The following BMP6 variants were observed in gnomAD, a reference collection of about 807,000 sequenced individuals.
The protein encoded by BMP6 is bone morphogenetic protein 6.
A neutral mutation model predicts 54.1 loss-of-function variants in BMP6; 17 were observed. The observed-to-expected ratio is 0.31, with a 90% CI of 0.22 to 0.47. The LOEUF is 0.47. BMP6 is among the 20% of genes least tolerant of loss of function. The pLI, the probability that BMP6 is intolerant of heterozygous loss-of-function variation, is 1.00. For synonymous variants in BMP6, 328 were observed against 291.2 expected, an observed-to-expected ratio of 1.13 and a Z score of -1.28; for missense variants, 720 against 690.4, an observed-to-expected ratio of 1.04 and a Z score of -0.48.
At chr6:7,803,453 C>T (rs142821769) in intron 1 of BMP6, among the ~76,000 whole-genome samples, 322 of 152,270 alleles carry the variant, frequency 2.1e-3, no homozygotes, top group African/African-American at 7.2e-3. Context: ...ACTGCCTTCT[C>T]GTTGGCATCA....
At chr6:7,744,309 C>G (rs1757316199) in intron 1 of BMP6, among the ~76,000 whole-genome samples, 1 of 152,118 alleles carries the variant, frequency 6.6e-6, no homozygotes, top group Non-Finnish European at 1.5e-5. Flanking sequence ...AGCCTTGTCT[C>G]TACCAAAAAT....
Position 7,726,847 on chromosome 6 carries a change from G to T in BMP6, c.-109G>T. Reference sequence around the variant, plus strand: ...GCCAGGAAGGGGAAGCGAGCCCGCCGAGAGGTGGCGGGGACTGCTCACGCC... The same window carrying T: ...GCCAGGAAGGGGAAGCGAGCCCGCCTAGAGGTGGCGGGGACTGCTCACGCC... On this transcript the variant is annotated 5_prime_UTR_variant, in exon 1 of 7. Transcript: ENST00000283147. 1.6e-6 allele frequency: 1 copy of T among 624,334 alleles called. No individual in the cohort carries two copies. The highest frequency in any genetic ancestry group is 2.0e-6 in the Non-Finnish European group (1 of 489,520). The allele number at this position is 624,334 out of a possible 1,614,324, so 38.7% of individuals were successfully genotyped here.
chr6:7,833,781 A>G (rs898850238), intron 1 of BMP6, among the ~76,000 whole-genome samples: 2 of 152,250 alleles, frequency 1.3e-5, no homozygotes, highest in African/African-American at 4.8e-5. Context: ...GGCAGAGTTT[A>G]TAACGTCTTT....
At chr6:7,835,529 G>A (rs888445716) in intron 1 of BMP6, among the ~76,000 whole-genome samples, 4 of 152,184 alleles carry the variant, frequency 2.6e-5, no homozygotes, top group Admixed American at 2.6e-4. Flanking sequence ...CTTTAAGCTG[G>A]CCTATCTGTG....
chr6:7,824,549 G>A (rs2113228016), intron 1 of BMP6, among the ~76,000 whole-genome samples: 1 of 152,320 alleles, frequency 6.6e-6, no homozygotes, highest in Non-Finnish European at 1.5e-5. Flanking sequence ...CTAAATAGGA[G>A]ATACCATTCA....
intron 1 of BMP6, among the ~76,000 whole-genome samples, chr6:7,746,539 A>G (rs1757349430): frequency 6.6e-6 from 1 of 152,150 alleles, no homozygotes. Flanking sequence ...TTAAATTTAG[A>G]CTGTTTAACC....
intron 4 of BMP6, among the ~76,000 whole-genome samples, chr6:7,870,262 C>T (rs1157449315): frequency 6.6e-6 from 1 of 152,198 alleles, no homozygotes; most frequent in African/African-American, 2.4e-5. Flanking sequence ...TGGATTGGAA[C>T]ACCCCGGTCT....
At chr6:7,756,667 ATTC>A (rs1374527401) in intron 1 of BMP6, among the ~76,000 whole-genome samples, 1 of 152,156 alleles carries the variant, frequency 6.6e-6, no homozygotes, top group African/African-American at 2.4e-5. Flanking sequence ...GTTAGATTTT[ATTC>A]TTCTGTGCAA....
At chr6:7,879,232 C>G in intron 5 of BMP6, 82 bp downstream of exon 5, 2 of 1,402,818 alleles carry the variant, frequency 1.4e-6, no homozygotes, top group Non-Finnish European at 2.0e-6. Flanking sequence ...TTACCAAACA[C>G]CCAGAGCTTG....
intron 1 of BMP6, among the ~76,000 whole-genome samples, chr6:7,798,660 G>A (rs1158523283): frequency 6.6e-6 from 1 of 152,048 alleles, no homozygotes; most frequent in East Asian, 1.9e-4. Flanking sequence ...TCACTCACTC[G>A]GCACTGCTGC....
chr6:7,858,096 T>G (rs1367112809), intron 2 of BMP6, among the ~76,000 whole-genome samples: 1 of 152,118 alleles, frequency 6.6e-6, no homozygotes. Flanking sequence ...ATTTATTTAT[T>G]TATTTAGACA....
intron 1 of BMP6, among the ~76,000 whole-genome samples, chr6:7,729,905 A>C (rs576925226): frequency 6.6e-6 from 1 of 152,146 alleles, no homozygotes; most frequent in African/African-American, 2.4e-5. Context: ...GGATCTCCCA[A>C]CGTTGCCCAG....
At chr6:7,802,020 C>G (rs1214556705) in intron 1 of BMP6, among the ~76,000 whole-genome samples, 1 of 152,154 alleles carries the variant, frequency 6.6e-6, no homozygotes, top group Admixed American at 6.5e-5. Flanking sequence ...GACAGAGATC[C>G]AGAGGGTACA....
rs575260159 is a variant in BMP6, at chr6:7,787,054, C to T, written c.665-58086C>T. ...ACTAAAGTGACGAGTGTAAGTTCAG[C>T]CTCCTTTAGTTTCTTTTCCAATAAT... On this transcript the variant is annotated intron_variant, in intron 1 of 6. Coordinates refer to ENST00000283147, the MANE Select transcript of BMP6 (RefSeq NM_001718.6). Among the ~76,000 whole-genome samples the T allele has an allele frequency of 2.0e-5, 3 of 152,266 alleles. No homozygotes were observed. In the South Asian group the frequency reaches 6.2e-4, roughly 32 times the overall value.
intron 1 of BMP6, among the ~76,000 whole-genome samples, chr6:7,732,566 T>C (rs1194250829): frequency 6.6e-6 from 1 of 152,260 alleles, no homozygotes; most frequent in Non-Finnish European, 1.5e-5. Context: ...CAGTGCTTGC[T>C]TTAGCATATA....
At position 7,808,975 on chromosome 6, in the gene BMP6, G is replaced by T. The variant is rs964418118; in HGVS notation, c.665-36165G>T. Among the ~76,000 whole-genome samples the T allele has an allele frequency of 1.3e-5, 2 of 148,542 alleles. 1 individual carries two copies. Among genetic ancestry groups the T allele is most frequent in the South Asian group, 4.3e-4 (2 of 4,682 alleles). ...TCACCTACTCTGATCAGAGGCATCCGCTTCCCGTGAGCACTTCTGTGCCTT... is the reference window on the plus strand; with the variant it reads ...TCACCTACTCTGATCAGAGGCATCCTCTTCCCGTGAGCACTTCTGTGCCTT... On this transcript the variant is annotated intron_variant, in intron 1 of 6. Transcript: ENST00000283147.
chr6:7,835,854 T>C (rs760887942), intron 1 of BMP6, among the ~76,000 whole-genome samples: 27 of 152,220 alleles, frequency 1.8e-4, no homozygotes, highest in Non-Finnish European at 3.7e-4. Context: ...TTTCTTTTTT[T>C]GAGATGGAGT....
At chr6:7,795,130 G>A (rs1202536253) in intron 1 of BMP6, among the ~76,000 whole-genome samples, 1 of 152,198 alleles carries the variant, frequency 6.6e-6, no homozygotes, top group Non-Finnish European at 1.5e-5. Context: ...CTCCTGCTGT[G>A]TTCTGGGTTT....
chr6:7,859,857 A>T (rs1293723654), intron 2 of BMP6, among the ~76,000 whole-genome samples: 1 of 152,130 alleles, frequency 6.6e-6, no homozygotes, highest in Admixed American at 6.5e-5. Context: ...TACTGTTTAT[A>T]CTTGGGAAAG....
Sources: gnomAD v4.1 joint callset for allele counts (sites outside exome capture counted in the v4.1 genomes callset) on GRCh38, gnomAD v4.1.1 for gene constraint, MANE v1.5 for transcripts, NCBI Gene and HGNC (gene_info 2026-07-23, HGNC 2026-07-21) for gene names.